Variants in TIGD3 observed in about 807,000 individuals in gnomAD.
TIGD3 encodes the protein tigger transposable element-derived protein 3.
In TIGD3, 7 loss-of-function variants were observed where a neutral mutation model predicts 14.8. That is an observed-to-expected ratio of 0.47 (90% confidence interval 0.27 to 0.89). TIGD3 has a LOEUF of 0.89. TIGD3 is among the 40% of genes least tolerant of loss of function. The probability of loss-of-function intolerance (pLI) is 0.13; values close to 1 mark genes in which losing one functional copy is unlikely to be tolerated. For synonymous variants in TIGD3, 243 were observed against 269.4 expected (o/e 0.90, Z 0.96); for missense variants, 581 against 611.0 (o/e 0.95, Z 0.52).
Position 65,357,462 on chromosome 11 carries a change from C to T in TIGD3, c.*238C>T, listed in dbSNP as rs1170741312. ...GAATCCAGGATGCTTAGTTTCTAGA[C>T]CCTGCTTGAAAGTTCTAGAGCCTTT... On this transcript the variant is annotated 3_prime_UTR_variant, in exon 2 of 2. Transcript: ENST00000309880. 1 of 514,064 alleles carries T rather than the reference C, an allele frequency of 1.9e-6. No individual in the cohort carries two copies. Among genetic ancestry groups the T allele is most frequent in the Non-Finnish European group, 3.6e-6 (1 of 280,558 alleles). The allele number at this position is 514,064 out of a possible 1,614,324, so 31.8% of individuals were successfully genotyped here. A position where few individuals can be genotyped will look rare whatever the true frequency, so the allele number is the denominator to read the frequency against.
At position 65,355,943 on chromosome 11, in the gene TIGD3, C is replaced by A; in HGVS notation, c.135C>A (p.Ile45=). The change falls in exon 2 of 2, where the codon ATC becomes ATA. Residue 45 remains isoleucine (I), a synonymous_variant. Coordinates refer to ENST00000309880, the MANE Select transcript of TIGD3 (RefSeq NM_145719.3). ...GCTTCCAGGTTTCCCAGCCCCAGAT[C>A]TCGCGCATCTGCAAGAATAAGGAGA... ...ARRFQVSQPQ[I]SRICKNKEKL... 6.2e-7 allele frequency: 1 copy of A among 1,613,940 alleles called. No homozygotes were observed. Among genetic ancestry groups the A allele is most frequent in the Non-Finnish European group, 8.5e-7 (1 of 1,180,044 alleles).
Position 65,356,139 on chromosome 11 carries a change from G to C in TIGD3, c.331G>C (p.Asp111His). ...GCTCCACAAAGCCAAGGAGCTGGCCGATATCATGGGCCAGGACTTCGTGCC... is the reference window on the plus strand; with the variant it reads ...GCTCCACAAAGCCAAGGAGCTGGCCCATATCATGGGCCAGGACTTCGTGCC... The part of the protein sequence containing the change: ...MLLHKAKELA[D>H]IMGQDFVPSI... Residue 111 changes from aspartate to histidine, a missense_variant, in exon 2 of 2, where the codon GAT becomes CAT. Asp to His is a moderately conservative substitution (Grantham distance 81, BLOSUM62 -1). Coordinates refer to ENST00000309880, the MANE Select transcript of TIGD3 (RefSeq NM_145719.3). This position sits in a 1 kb window ranked among gnomAD's most constrained non-coding sequence, Gnocchi z 5.2. 2 of 1,611,798 alleles carry C rather than the reference G, an allele frequency of 1.2e-6. No individual in the cohort carries two copies. The highest frequency in any genetic ancestry group is 1.7e-6 in the Non-Finnish European group (2 of 1,180,022).
chr11:65,357,340 G>A lies in TIGD3; in HGVS notation c.*116G>A, dbSNP rs1203947196. 1 of 996,774 alleles carries A rather than the reference G, an allele frequency of 1.0e-6. No individual in the cohort carries two copies. Among genetic ancestry groups the A allele is most frequent in the East Asian group, 2.6e-5 (1 of 38,062 alleles). The allele number at this position is 996,774 out of a possible 1,614,324, so 61.7% of individuals were successfully genotyped here. On this transcript the variant is annotated 3_prime_UTR_variant, in exon 2 of 2. Transcript: ENST00000309880. The stretch of plus-strand genomic sequence containing the variant: ...GTGGAAATAGAACTGTCGTAAAGGT[G>A]TAGAAGGGAGAGAAGTTGGGACACC...
Position 65,355,939 on chromosome 11 carries a change from A to G in TIGD3, c.131A>G (p.Gln44Arg). Reference protein sequence around the residue: ...VARRFQVSQPQISRICKNKEK... With the variant: ...VARRFQVSQPRISRICKNKEK... ...CGGCGCTTCCAGGTTTCCCAGCCCC[A>G]GATCTCGCGCATCTGCAAGAATAAG... The change falls in exon 2 of 2, where the codon CAG becomes CGG. Residue 44 changes from glutamine to arginine, a missense_variant. Coordinates refer to ENST00000309880, the MANE Select transcript of TIGD3 (RefSeq NM_145719.3). 1 of 1,613,930 alleles carries G rather than the reference A, an allele frequency of 6.2e-7. No individual in the cohort carries two copies. The highest frequency in any genetic ancestry group is 2.2e-5 in the East Asian group (1 of 44,882).
Position 65,354,758 on chromosome 11 carries a change from G to A in TIGD3, c.-216G>A, listed in dbSNP as rs1854820598. 6.6e-6 allele frequency: 1 copy of A among 151,336 alleles called. No homozygotes were observed. The highest frequency in any genetic ancestry group is 1.5e-5 in the Non-Finnish European group (1 of 67,780). 9.4% of individuals were successfully genotyped at this position (151,336 alleles called of 1,614,324 possible). On this transcript the variant is annotated 5_prime_UTR_variant, in exon 1 of 2. Transcript: ENST00000309880. ...GGCCGCACCGCGGACTTCGCAGCCGGGAGAGAGCCCGGCGCGGGCGGCGCG... is the reference window on the plus strand; with the variant it reads ...GGCCGCACCGCGGACTTCGCAGCCGAGAGAGAGCCCGGCGCGGGCGGCGCG...
rs1485602165 is a variant in TIGD3 at position 65,357,156 on chromosome 11, A to T, written c.1348A>T (p.Thr450Ser). ...TLRRWFECNS[T>S]SPELFEKFYD... ...GAGGAGGTGGTTTGAATGCAACAGC[A>T]CTTCTCCTGAGCTATTCGAAAAATT... Residue 450 changes from threonine (T) to serine (S), a missense_variant, in exon 2 of 2, where the codon ACT (threonine) becomes TCT (serine). Physicochemically the swap from Thr to Ser is moderately conservative, Grantham distance 58 (BLOSUM62 1). Coordinates refer to ENST00000309880, the MANE Select transcript of TIGD3 (RefSeq NM_145719.3). 3 of 1,614,188 alleles carry T rather than the reference A, an allele frequency of 1.9e-6. No individual in the cohort carries two copies. Among genetic ancestry groups the T allele is most frequent in the South Asian group, 1.1e-5 (1 of 91,086 alleles).
rs1236047927 is a variant in TIGD3 at position 65,356,458 on chromosome 11, A to T, written c.650A>T (p.Gln217Leu). ...EKRRVLLGGL[Q>L]AAPRCFFGIR... is the part of the protein sequence containing the mutation. ...CGGCGGGTACTGCTGGGTGGGCTCC[A>T]GGCTGCCCCGAGATGCTTCTTTGGG... Residue 217 changes from glutamine (Q) to leucine (L), a missense_variant, in exon 2 of 2, where the codon CAG (glutamine) becomes CTG (leucine). Gln to Leu is a moderately radical substitution (Grantham distance 113). Coordinates refer to ENST00000309880, the MANE Select transcript of TIGD3 (RefSeq NM_145719.3). This position sits in a 1 kb window ranked among gnomAD's most constrained non-coding sequence, Gnocchi z 5.2. 3 of 1,607,548 alleles carry T rather than the reference A, an allele frequency of 1.9e-6. No individual in the cohort carries two copies. Among genetic ancestry groups the T allele is most frequent in the Admixed American group, 3.3e-5 (2 of 59,980 alleles).
chr11:65,357,396 AC>A lies in TIGD3; in HGVS notation c.*176del. The A allele has an allele frequency of 1.5e-6, 1 of 645,422 alleles. No individual in the cohort carries two copies. The highest frequency in any genetic ancestry group is 2.7e-6 in the Non-Finnish European group (1 of 370,100). 40.0% of individuals were successfully genotyped at this position (645,422 alleles called of 1,614,324 possible). A position where few individuals can be genotyped will look rare whatever the true frequency, so the allele number is the denominator to read the frequency against. On this transcript the variant is annotated 3_prime_UTR_variant, in exon 2 of 2. Transcript: ENST00000309880. ...TGAGCTTGGAGTGGCAGTCGTCCAA[AC>A]CCCAGGAAGAGAGCTCTAAAGATGG...
chr11:65,357,315 G>C lies in TIGD3; in HGVS notation c.*91G>C. On this transcript the variant is annotated 3_prime_UTR_variant, in exon 2 of 2. Coordinates refer to ENST00000309880, the MANE Select transcript of TIGD3 (RefSeq NM_145719.3). ...AGGCAGATCGGGCTGTCTCTTTCCTGTGGAAATAGAACTGTCGTAAAGGTG... is the reference window on the plus strand; with the variant it reads ...AGGCAGATCGGGCTGTCTCTTTCCTCTGGAAATAGAACTGTCGTAAAGGTG... 2.5e-6 allele frequency: 3 copies of C among 1,222,464 alleles called. No individual in the cohort carries two copies. Among genetic ancestry groups the C allele is most frequent in the Non-Finnish European group, 3.5e-6 (3 of 866,636 alleles). 75.7% of individuals were successfully genotyped at this position (1,222,464 alleles called of 1,614,324 possible). A position where few individuals can be genotyped will look rare whatever the true frequency, so the allele number is the denominator to read the frequency against.
Position 65,357,475 on chromosome 11 carries a change from T to C in TIGD3, c.*251T>C. 2.1e-6 allele frequency: 1 copy of C among 465,986 alleles called. No individual in the cohort carries two copies. The highest frequency in any genetic ancestry group is 4.0e-6 in the Non-Finnish European group (1 of 252,266). 28.9% of individuals were successfully genotyped at this position (465,986 alleles called of 1,614,324 possible). ...TTAGTTTCTAGACCCTGCTTGAAAG[T>C]TCTAGAGCCTTTGAAAGGGAGTTAG... On this transcript the variant is annotated 3_prime_UTR_variant, in exon 2 of 2. Transcript: ENST00000309880.
At position 65,356,279 on chromosome 11, in the gene TIGD3, G is replaced by A; in HGVS notation, c.471G>A (p.Gln157=). 1 of 1,612,950 alleles carries A rather than the reference G, an allele frequency of 6.2e-7. No individual in the cohort carries two copies. The highest frequency in any genetic ancestry group is 1.1e-5 in the South Asian group (1 of 91,086). ...PEPPPPGLTS[Q]AQLPLSLKDF... ...CACCTCCCCCGGGGCTCACATCCCA[G>A]GCTCAGCTGCCTCTTTCCCTAAAAG... The change falls in exon 2 of 2, where the codon CAG becomes CAA. Residue 157 remains glutamine, a synonymous_variant. Coordinates refer to ENST00000309880, the MANE Select transcript of TIGD3 (RefSeq NM_145719.3). The surrounding 1 kb of genome is among the most constrained non-coding windows in gnomAD (Gnocchi z 5.2).
At position 65,356,729 on chromosome 11, in the gene TIGD3, T is replaced by C; in HGVS notation, c.921T>C (p.His307=). Residue 307 remains histidine (H), a synonymous_variant, in exon 2 of 2, where the codon CAT becomes CAC. Coordinates refer to ENST00000309880, the MANE Select transcript of TIGD3 (RefSeq NM_145719.3). This position sits in a 1 kb window ranked among gnomAD's most constrained non-coding sequence, Gnocchi z 5.2. ...CAGTGGTCCGGGCCTTTAAGGCCCA[T>C]TACCGACACCGGCTGTTGGGCAAAC... The part of the protein sequence containing the change: ...PSSVVRAFKA[H]YRHRLLGKLA... The C allele has an allele frequency of 2.5e-6, 4 of 1,613,198 alleles. No homozygotes were observed. Among genetic ancestry groups the C allele is most frequent in the Non-Finnish European group, 3.4e-6 (4 of 1,179,990 alleles).
rs1259711828 is a variant in TIGD3 at position 65,355,996 on chromosome 11, C to T, written c.188C>T (p.Thr63Ile). The T allele has an allele frequency of 1.9e-6, 3 of 1,613,668 alleles. No individual in the cohort carries two copies. Among genetic ancestry groups the T allele is most frequent in the Non-Finnish European group, 2.5e-6 (3 of 1,180,052 alleles). Residue 63 changes from threonine to isoleucine, a missense_variant, in exon 2 of 2, where the codon ACA becomes ATA. Physicochemically the swap from Thr to Ile is moderately conservative, Grantham distance 89. Coordinates refer to ENST00000309880, the MANE Select transcript of TIGD3 (RefSeq NM_145719.3). ...EKLLADWCSG[T>I]ANRERKRKRE... ...CTGCTGGCGGACTGGTGCAGCGGCA[C>T]AGCCAACCGAGAGCGCAAGCGCAAG...
chr11:65,356,957 C>T lies in TIGD3; in HGVS notation c.1149C>T (p.Val383=). 1 of 1,614,120 alleles carries T rather than the reference C, an allele frequency of 6.2e-7. No homozygotes were observed. Among genetic ancestry groups the T allele is most frequent in the Non-Finnish European group, 8.5e-7 (1 of 1,180,032 alleles). ...SSHKTSEMPP[V]PGGLSLEEFS... is the part of the protein sequence containing the mutation. ...ACAAAACCTCTGAGATGCCACCAGTCCCCGGCGGGCTGAGCCTGGAGGAGT... is the reference window on the plus strand; with the variant it reads ...ACAAAACCTCTGAGATGCCACCAGTTCCCGGCGGGCTGAGCCTGGAGGAGT... Residue 383 remains valine, a synonymous_variant, in exon 2 of 2, where the codon GTC becomes GTT. Coordinates refer to ENST00000309880, the MANE Select transcript of TIGD3 (RefSeq NM_145719.3). This position sits in a 1 kb window ranked among gnomAD's most constrained non-coding sequence, Gnocchi z 5.2.
At position 65,356,309 on chromosome 11, in the gene TIGD3, C is replaced by T. The variant is rs1055562008; in HGVS notation, c.501C>T (p.Phe167=). ...QAQLPLSLKD[F]SPEDVFGCAE... ...AGCTGCCTCTTTCCCTAAAAGACTT[C>T]TCTCCAGAGGACGTGTTTGGCTGTG... The change falls in exon 2 of 2, where the codon TTC becomes TTT. Residue 167 remains phenylalanine, a synonymous_variant. Coordinates refer to ENST00000309880, the MANE Select transcript of TIGD3 (RefSeq NM_145719.3). This position sits in a 1 kb window ranked among gnomAD's most constrained non-coding sequence, Gnocchi z 5.2. 1.9e-6 allele frequency: 3 copies of T among 1,612,560 alleles called. No individual in the cohort carries two copies. In the African/African-American group the frequency reaches 4.0e-5, roughly 22 times the overall value.
rs1388870575 is a variant in TIGD3, at chr11:65,354,962, G to C, written c.-17+5G>C. 6.6e-6 allele frequency: 1 copy of C among 151,860 alleles called. No individual in the cohort carries two copies. Among genetic ancestry groups the C allele is most frequent in the African/African-American group, 2.4e-5 (1 of 41,340 alleles). The allele number at this position is 151,860 out of a possible 1,614,324, so 9.4% of individuals were successfully genotyped here. On this transcript the variant is annotated splice_donor_5th_base_variant and intron_variant, in intron 1 of 1. Transcript: ENST00000309880. Reference sequence around the variant, plus strand: ...GCCGCGGGACCAGCGCCTGAGGTGGGTGCGGAGCGGGAGGCCGGGCGGGCG... The same window carrying C: ...GCCGCGGGACCAGCGCCTGAGGTGGCTGCGGAGCGGGAGGCCGGGCGGGCG...
In TIGD3 at chr11:65,356,802, G is replaced by A. The variant is rs765676896; in HGVS notation, c.994G>A (p.Gly332Arg). 7 of 1,612,722 alleles carry A rather than the reference G, an allele frequency of 4.3e-6. No homozygotes were observed. In the African/African-American group the frequency reaches 8.0e-5, roughly 18 times the overall value. The change falls in exon 2 of 2, where the codon GGG (glycine) becomes AGG (arginine). Residue 332 changes from glycine to arginine, a missense_variant. Physicochemically the swap from Gly to Arg is moderately radical, Grantham distance 125 (BLOSUM62 -2). Transcript: ENST00000309880. The surrounding 1 kb of genome is among the most constrained non-coding windows in gnomAD (Gnocchi z 5.2). ...ERDGTSLAEA[G>R]AGITVLDALH... ...GGATGGCACCTCGCTGGCCGAGGCC[G>A]GGGCAGGCATCACCGTGCTGGACGC...
In TIGD3 at chr11:65,356,671, C is replaced by A; in HGVS notation, c.863C>A (p.Ala288Asp). The A allele has an allele frequency of 1.2e-6, 2 of 1,613,180 alleles. No individual in the cohort carries two copies. The highest frequency in any genetic ancestry group is 4.5e-5 in the East Asian group (2 of 44,880). Residue 288 changes from alanine (A) to aspartate (D), a missense_variant, in exon 2 of 2, where the codon GCC becomes GAC. Physicochemically the swap from Ala to Asp is moderately radical, Grantham distance 126 (BLOSUM62 -2). Transcript: ENST00000309880. This position sits in a 1 kb window ranked among gnomAD's most constrained non-coding sequence, Gnocchi z 5.2. ...GLYHVKLLPL[A>D]ASSTTPPLPS... is the part of the protein sequence containing the mutation. ...TACCACGTGAAGCTCTTGCCTCTGG[C>A]CGCCTCTAGCACCACGCCTCCCCTG...
chr11:65,357,009 G>A lies in TIGD3; in HGVS notation c.1201G>A (p.Glu401Lys), dbSNP rs1419490328. The A allele has an allele frequency of 3.7e-6, 6 of 1,614,168 alleles. No individual in the cohort carries two copies. The highest frequency in any genetic ancestry group is 2.2e-5 in the East Asian group (1 of 44,884). Reference protein sequence around the residue: ...EFSRFVDLEGEEPRSGVCKEE... With the variant: ...EFSRFVDLEGKEPRSGVCKEE... ...TTCCCGCTTTGTGGACCTGGAGGGT[G>A]AGGAGCCAAGGTCTGGAGTATGTAA... Residue 401 changes from glutamate (E) to lysine (K), a missense_variant, in exon 2 of 2, where the codon GAG (glutamate) becomes AAG (lysine). By Grantham distance (56) the Glu-to-Lys change is moderately conservative. Transcript: ENST00000309880.
Sources: allele counts gnomAD v4.1 joint callset, GRCh38; gene constraint gnomAD v4.1.1; non-coding constraint Gnocchi (gnomAD v3.1); transcripts MANE v1.5; gene names NCBI Gene and HGNC (gene_info 2026-07-23, HGNC 2026-07-21).